The following OPA1 variants were observed in gnomAD, a reference collection of about 807,000 sequenced individuals.
OPA1 encodes OPA1 mitochondrial dynamin like GTPase.
Under a neutral mutation model 152.9 loss-of-function variants are expected in OPA1, and 59 were observed. The observed-to-expected ratio is 0.39, with a 90% CI of 0.31 to 0.48. The LOEUF (loss-of-function observed/expected upper bound fraction) is 0.48. Ranked by LOEUF, OPA1 falls within the 20% of genes least tolerant of loss-of-function variation. The probability of loss-of-function intolerance (pLI) is 0.96; values close to 1 mark genes in which losing one functional copy is unlikely to be tolerated. For synonymous variants in OPA1, 400 were observed against 389.9 expected (o/e 1.03, Z -0.31); for missense variants, 1,008 against 1,216.8 (o/e 0.83, Z 2.55).
intron 29 of OPA1, among the ~76,000 whole-genome samples, chr3:193,685,243 A>C (rs1720780347): frequency 1.3e-5 from 2 of 151,892 alleles, no homozygotes; most frequent in South Asian, 4.2e-4. Context: ...CGGAGGTTGC[A>C]GTGAGCCGAG....
intron 27 of OPA1, among the ~76,000 whole-genome samples, 166 bp from the exon 28 acceptor site, chr3:193,666,130 G>A (rs994218184): frequency 1.8e-4 from 28 of 152,122 alleles, no homozygotes; most frequent in Admixed American, 1.6e-3. Flanking sequence ...TCATGGCTCC[G>A]TACAGAAAGG....
chr3:193,652,743 T>C (rs1234746933), intron 21 of OPA1, among the ~76,000 whole-genome samples: 1 of 151,832 alleles, frequency 6.6e-6, no homozygotes, highest in Non-Finnish European at 1.5e-5. Flanking sequence ...CAACAGAAAT[T>C]GTTGGGATGG....
Position 193,645,938 on chromosome 3 carries a change from G to A in OPA1, c.1754+138G>A, listed in dbSNP as rs969813619. The A allele has an allele frequency of 1.8e-5, 13 of 729,744 alleles. No homozygotes were observed. The African/African-American group carries it at 1.8e-4, about 10-fold the overall frequency. The allele number at this position is 729,744 out of a possible 1,614,324, so 45.2% of individuals were successfully genotyped here. A position where few individuals can be genotyped will look rare whatever the true frequency, so the allele number is the denominator to read the frequency against. ...TAGAATTTTTCCCAAATAGTGAACT[G>A]TATCTAATAAACAAGTCCTTAGCTA... On this transcript the variant is annotated intron_variant, in intron 18 of 30. Coordinates refer to ENST00000361510, the MANE Select transcript of OPA1 (RefSeq NM_130837.3).
At chr3:193,675,542 G>A (rs538319351) in intron 29 of OPA1, among the ~76,000 whole-genome samples, 28 of 151,868 alleles carry the variant, frequency 1.8e-4, no homozygotes, top group Middle Eastern at 3.4e-3. Flanking sequence ...CTCTCACTGC[G>A]TCTCTTCTAT....
chr3:193,692,102 T>G lies in OPA1; in HGVS notation c.3023T>G (p.Ile1008Ser). The change falls in exon 30 of 31, where the codon ATT becomes AGT. Residue 1008 changes from isoleucine (I) to serine (S), a missense_variant. Around this residue, in one of 7 missense-constraint regions of OPA1, gnomAD observed 137 missense variants for 171.0 expected, o/e 0.80. Coordinates refer to ENST00000361510, the MANE Select transcript of OPA1 (RefSeq NM_130837.3). ...ATTCAAGAAAAACTTGATGCTTTCA[T>G]TGAAGCTCTTCATCAGGAGAAATAA... Reference protein sequence around the residue: ...REIQEKLDAFIEALHQEK With the variant: ...REIQEKLDAFSEALHQEK The G allele has an allele frequency of 2.6e-6, 4 of 1,551,690 alleles. No homozygotes were observed. The highest frequency in any genetic ancestry group is 3.5e-6 in the Non-Finnish European group (4 of 1,133,834).
chr3:193,686,838 A>G (rs1184418298), intron 29 of OPA1, among the ~76,000 whole-genome samples: 1 of 152,234 alleles, frequency 6.6e-6, no homozygotes, highest in African/African-American at 2.4e-5. Context: ...CATGTTATAC[A>G]ACAGTTCCAT....
intron 29 of OPA1, among the ~76,000 whole-genome samples, chr3:193,684,161 TAATCATGAA>T (rs1359934528): frequency 6.6e-6 from 1 of 152,154 alleles, no homozygotes; most frequent in Non-Finnish European, 1.5e-5. Flanking sequence ...TGGCTACACA[TAATCATGAA>T]AATCATGGGG....
At chr3:193,648,458 T>A (rs1320675620) in intron 20 of OPA1, 1 of 369,534 alleles carries the variant, frequency 2.7e-6, no homozygotes, top group East Asian at 5.8e-5. Flanking sequence ...TTTCCTTGAT[T>A]TTAAAATCCC....
intron 7 of OPA1, chr3:193,628,595 ATT>A (rs1731555619): frequency 6.6e-6 from 1 of 152,216 alleles, no homozygotes; most frequent in Non-Finnish European, 1.5e-5. Context: ...TTTCAAGACC[ATT>A]GATATCCATT....
intron 29 of OPA1, among the ~76,000 whole-genome samples, chr3:193,688,869 C>A (rs1033788268): frequency 6.6e-6 from 1 of 152,006 alleles, no homozygotes; most frequent in Non-Finnish European, 1.5e-5. Flanking sequence ...GCCTGTGGTC[C>A]CAGCTACTTG....
At position 193,664,914 on chromosome 3, in the gene OPA1, AT is replaced by A; in HGVS notation, c.2702del (p.Leu901Ter). 1 of 1,605,220 alleles carries A rather than the reference AT, an allele frequency of 6.2e-7. No homozygotes were observed. Among genetic ancestry groups the A allele is most frequent in the Non-Finnish European group, 8.5e-7 (1 of 1,172,546 alleles). ...KDTWHQVYRR[H>X]FLKTALNHCN... is the part of the protein sequence containing the mutation. ...ACTTGGCATCAAGTTTATAGAAGAC[AT>A]TTTTTAAAAACAGCTCTAAACCATT... On this transcript the variant is annotated frameshift_variant, in exon 27 of 31. Transcript: ENST00000361510. LOFTEE classifies it high-confidence loss of function.
In OPA1 at chr3:193,648,805, T is replaced by A; in HGVS notation, c.1946T>A (p.Phe649Tyr). The change falls in exon 21 of 31, where the codon TTT (phenylalanine) becomes TAT (tyrosine). Residue 649 changes from phenylalanine (F) to tyrosine (Y), a missense_variant. Coordinates refer to ENST00000361510, the MANE Select transcript of OPA1 (RefSeq NM_130837.3). ...RLRELDRNEL[F>Y]EKAKNEILDE... is the part of the protein sequence containing the mutation. ...ATTTATATTGCCTAGAATGAACTATTTGAAAAAGCTAAAAATGAAATCCTT... is the reference window on the plus strand; with the variant it reads ...ATTTATATTGCCTAGAATGAACTATATGAAAAAGCTAAAAATGAAATCCTT... 1 of 1,601,544 alleles carries A rather than the reference T, an allele frequency of 6.2e-7. No homozygotes were observed. Among genetic ancestry groups the A allele is most frequent in the Non-Finnish European group, 8.6e-7 (1 of 1,168,962 alleles).
chr3:193,607,031 T>C (rs1196686215), intron 1 of OPA1, among the ~76,000 whole-genome samples: 1 of 152,266 alleles, frequency 6.6e-6, no homozygotes, highest in East Asian at 1.9e-4. Context: ...TGATGAGCAT[T>C]TTTTCATGTG....
intron 11 of OPA1, among the ~76,000 whole-genome samples, chr3:193,642,297 A>T (rs1469251806): frequency 1.3e-5 from 2 of 152,194 alleles, no homozygotes; most frequent in East Asian, 3.8e-4. Context: ...TAAAACTGGG[A>T]CAGTCAGCTC....
intron 8 of OPA1, among the ~76,000 whole-genome samples, chr3:193,634,427 C>G (rs1732612816): frequency 6.6e-6 from 1 of 151,870 alleles, no homozygotes; most frequent in African/African-American, 2.4e-5. Context: ...TTGGTCCTTT[C>G]TGATTTGTCT....
intron 16 of OPA1, 136 bp from the exon 17 acceptor site, chr3:193,645,417 C>A: frequency 3.1e-6 from 2 of 636,384 alleles, no homozygotes; most frequent in Non-Finnish European, 5.5e-6. Context: ...AATGGAAAAA[C>A]ATTTTAAATG....
chr3:193,647,964 C>G (rs1463173940), intron 19 of OPA1, 106 bp from the exon 20 acceptor site: 1 of 797,934 alleles, frequency 1.3e-6, no homozygotes, highest in Non-Finnish European at 2.2e-6. Context: ...CATAGGCGCA[C>G]TCTCAGAAAT....
chr3:193,595,588 T>C (rs1242642982), intron 1 of OPA1, among the ~76,000 whole-genome samples: 2 of 152,224 alleles, frequency 1.3e-5, no homozygotes, highest in Non-Finnish European at 2.9e-5. Flanking sequence ...GATTTTTTCA[T>C]CTTCATGATT....
chr3:193,672,730 A>T (rs1449599563), intron 29 of OPA1, among the ~76,000 whole-genome samples: 1 of 152,084 alleles, frequency 6.6e-6, no homozygotes, highest in Non-Finnish European at 1.5e-5. Context: ...TTAGCTGGGC[A>T]TGGTGGCAGG....
Sources: gnomAD v4.1 joint callset for allele counts (sites outside exome capture counted in the v4.1 genomes callset) on GRCh38, gnomAD v4.1.1 for gene constraint, gnomAD v4.1.1 regional missense constraint, MANE v1.5 for transcripts, NCBI Gene and HGNC (gene_info 2026-07-23, HGNC 2026-07-21) for gene names.